VPS39: variants seen among roughly 807,000 people sequenced by gnomAD.
The protein encoded by VPS39 is vam6/Vps39-like protein.
Under a neutral mutation model 121.0 loss-of-function variants are expected in VPS39, and 70 were observed. The ratio of observed to expected loss-of-function variants is 0.58; its 90% CI spans 0.48 to 0.71. The LOEUF (loss-of-function observed/expected upper bound fraction) is 0.71. VPS39 is among the 30% of genes least tolerant of loss of function. VPS39 has a pLI of 0.00. For synonymous variants in VPS39, 378 were observed against 398.1 expected (o/e 0.95, Z 0.60); for missense variants, 818 against 1,051.5 (o/e 0.78, Z 3.07).
chr15:42,164,580 C>A, intron 18 of VPS39, 94 bp from the exon 19 acceptor site: 1 of 1,523,690 alleles, frequency 6.6e-7, no homozygotes, highest in South Asian at 1.3e-5. Flanking sequence ...TCAAGGATGT[C>A]ACCACATGAC....
At chr15:42,198,687 T>C (rs1281715433) in intron 2 of VPS39, among the ~76,000 whole-genome samples, 1 of 152,156 alleles carries the variant, frequency 6.6e-6, no homozygotes, top group Non-Finnish European at 1.5e-5. Flanking sequence ...AACAATGTAC[T>C]GCTCCAGGGC....
chr15:42,165,106 A>G lies in VPS39; in HGVS notation c.1787T>C (p.Ile596Thr), dbSNP rs753171246. The G allele has an allele frequency of 6.2e-7, 1 of 1,614,148 alleles. No homozygotes were observed. The highest frequency in any genetic ancestry group is 1.1e-5 in the South Asian group (1 of 91,076). Reference protein sequence around the residue: ...KGLAIPYLEHIIHVWEETGSR... With the variant: ...KGLAIPYLEHTIHVWEETGSR... ...GCCTGTCTCCTCCCAAACATGGATG[A>G]TGTGTTCCTGAGGCAAGATGTAGGT... The change falls in exon 18 of 25, where the codon ATC becomes ACC. Residue 596 changes from isoleucine (I) to threonine (T), a missense_variant. By Grantham distance (89) the Ile-to-Thr change is moderately conservative. Transcript: ENST00000318006.
rs1325243094 is a variant in VPS39 at position 42,159,892 on chromosome 15, T to C, written c.*862A>G. The C allele has an allele frequency of 2.0e-5, 3 of 152,276 alleles. No homozygotes were observed. The East Asian group carries it at 5.8e-4, about 29-fold the overall frequency. 9.4% of individuals were successfully genotyped at this position (152,276 alleles called of 1,614,324 possible). A position where few individuals can be genotyped will look rare whatever the true frequency, so the allele number is the denominator to read the frequency against. On this transcript the variant is annotated 3_prime_UTR_variant, in exon 25 of 25. Transcript: ENST00000318006. ...AGGCACCTCTGTGGGAACATGTATC[T>C]AGGGATCACGCATACCCCAGACAGG...
intron 8 of VPS39, among the ~76,000 whole-genome samples, chr15:42,182,882 A>G (rs980867332): frequency 6.6e-6 from 1 of 152,208 alleles, no homozygotes; most frequent in Non-Finnish European, 1.5e-5. Context: ...CTTGACTTTT[A>G]CATGCCTCTT....
In VPS39 at chr15:42,178,732, A is replaced by C. The variant is rs894756914; in HGVS notation, c.719-162T>G. On this transcript the variant is annotated intron_variant, in intron 8 of 24. Transcript: ENST00000318006. ...CACTGTGATTCAGAAAGAAAGAAAA[A>C]AAAAATTGGCCTGTAATCCCAGCAA... 4.5e-6 allele frequency: 5 copies of C among 1,105,950 alleles called. No homozygotes were observed. The African/African-American group carries it at 7.9e-5, about 17-fold the overall frequency. The allele number at this position is 1,105,950 out of a possible 1,614,324, so 68.5% of individuals were successfully genotyped here. A position where few individuals can be genotyped will look rare whatever the true frequency, so the allele number is the denominator to read the frequency against.
rs770531464 is a variant in VPS39, at chr15:42,178,251, C to T, written c.927G>A (p.Gln309=). The part of the protein sequence containing the change: ...PMATQIQQLL[Q]DKQFELALQL... ...GCAGAGCCAATTCAAACTGCTTGTC[C>T]TGGAGAAGTTGTTGGATTTGGGTTG... The change falls in exon 10 of 25, where the codon CAG becomes CAA. Residue 309 remains glutamine (Q), a synonymous_variant. Transcript: ENST00000318006. The T allele has an allele frequency of 4.3e-6, 7 of 1,614,140 alleles. No homozygotes were observed. The highest frequency in any genetic ancestry group is 1.1e-5 in the South Asian group (1 of 91,082).
In VPS39 at chr15:42,208,274, G is replaced by T; in HGVS notation, c.-121C>A. Reference sequence around the variant, plus strand: ...CCGGCCAGGAACCCCCCGGCTACAGGCCCTTCAACAACACAGCCATCGTCA... The same window carrying T: ...CCGGCCAGGAACCCCCCGGCTACAGTCCCTTCAACAACACAGCCATCGTCA... On this transcript the variant is annotated 5_prime_UTR_variant, in exon 1 of 25. Coordinates refer to ENST00000318006, the MANE Select transcript of VPS39 (RefSeq NM_015289.5). The T allele has an allele frequency of 7.6e-7, 1 of 1,314,956 alleles. No homozygotes were observed. The allele number at this position is 1,314,956 out of a possible 1,614,324, so 81.5% of individuals were successfully genotyped here. A position where few individuals can be genotyped will look rare whatever the true frequency, so the allele number is the denominator to read the frequency against.
At position 42,163,643 on chromosome 15, in the gene VPS39, A is replaced by G; in HGVS notation, c.2112T>C (p.Asp704=). ...ALFIYVHILK[D]TRMAEEYCHK... Reference sequence around the variant, plus strand: ...AAACTTACTCCTCAGCCATCCTTGTATCCTTCAAGATGTGGACATAAATGA... The same window carrying G: ...AAACTTACTCCTCAGCCATCCTTGTGTCCTTCAAGATGTGGACATAAATGA... Residue 704 remains aspartate, a synonymous_variant, in exon 20 of 25, where the codon GAT becomes GAC. Coordinates refer to ENST00000318006, the MANE Select transcript of VPS39 (RefSeq NM_015289.5). 2 of 1,613,946 alleles carry G rather than the reference A, an allele frequency of 1.2e-6. No individual in the cohort carries two copies. The highest frequency in any genetic ancestry group is 1.7e-6 in the Non-Finnish European group (2 of 1,179,916).
intron 1 of VPS39, among the ~76,000 whole-genome samples, chr15:42,206,898 CTCT>C (rs2050185466): frequency 6.6e-6 from 1 of 152,168 alleles, no homozygotes; most frequent in Non-Finnish European, 1.5e-5. Flanking sequence ...TTTTCTCCTC[CTCT>C]ATTTAAATGT....
intron 10 of VPS39, among the ~76,000 whole-genome samples, chr15:42,177,880 T>TGGTCTCGAACTCCTGACCTCA (rs1433753113): frequency 6.6e-6 from 1 of 152,198 alleles, no homozygotes; most frequent in African/African-American, 2.4e-5. Flanking sequence ...TTGGCCAAGC[T>TGGTCTCGAACTCCTGACCTCA]GGTCTCGAAC....
intron 4 of VPS39, among the ~76,000 whole-genome samples, chr15:42,190,422 G>T (rs1378789836): frequency 6.6e-6 from 1 of 152,190 alleles, no homozygotes; most frequent in Admixed American, 6.5e-5. Flanking sequence ...ACAGCGCAAA[G>T]TGTGAGATCA....
chr15:42,175,736 C>T (rs534667431), intron 10 of VPS39, among the ~76,000 whole-genome samples: 53 of 152,104 alleles, frequency 3.5e-4, no homozygotes, highest in Admixed American at 1.8e-3. Flanking sequence ...TGCCAGCTTC[C>T]TTATCTAGCT....
At chr15:42,193,869 T>C (rs1256460560) in intron 2 of VPS39, among the ~76,000 whole-genome samples, 1 of 138,008 alleles carries the variant, frequency 7.2e-6, no homozygotes, top group Non-Finnish European at 1.6e-5. Flanking sequence ...AAAAAAAAAA[T>C]GCCAAATATC....
In VPS39 at chr15:42,161,784, A is replaced by C; in HGVS notation, c.2461-11T>G. 6.2e-7 allele frequency: 1 copy of C among 1,613,558 alleles called. No individual in the cohort carries two copies. The highest frequency in any genetic ancestry group is 8.5e-7 in the Non-Finnish European group (1 of 1,179,580). ...CCGCTCTTCCTGGACCTGGAAGAACAGGGGGATTGAGGAAGAAGTTCTACA... is the reference window on the plus strand; with the variant it reads ...CCGCTCTTCCTGGACCTGGAAGAACCGGGGGATTGAGGAAGAAGTTCTACA... On this transcript the variant is annotated splice_polypyrimidine_tract_variant and intron_variant, in intron 23 of 24. Transcript: ENST00000318006.
chr15:42,187,939 G>C, intron 5 of VPS39, 83 bp from the exon 6 acceptor site: 1 of 1,334,402 alleles, frequency 7.5e-7, no homozygotes, highest in East Asian at 2.3e-5. Context: ...TGTCTACCTT[G>C]AAATTGCTAC....
chr15:42,161,430 A>T (rs2049123757), intron 24 of VPS39: 1 of 575,846 alleles, frequency 1.7e-6, no homozygotes, highest in Middle Eastern at 4.7e-4. Context: ...TTCTAGCTTC[A>T]AGAGGGGAAG....
chr15:42,201,585 T>C (rs1404710944), intron 1 of VPS39, among the ~76,000 whole-genome samples: 1 of 152,214 alleles, frequency 6.6e-6, no homozygotes, highest in African/African-American at 2.4e-5. Flanking sequence ...CCCCGGAGCA[T>C]CTGATTTAGT....
chr15:42,183,101 T>G (rs945767698), intron 8 of VPS39, among the ~76,000 whole-genome samples: 38 of 147,806 alleles, frequency 2.6e-4, no homozygotes, highest in African/African-American at 8.9e-4. Context: ...CATGATGTGT[T>G]TTTTGTTTTT....
At chr15:42,166,131 A>G in intron 16 of VPS39, 28 bp downstream of exon 16, 1 of 1,607,330 alleles carries the variant, frequency 6.2e-7, no homozygotes, top group Non-Finnish European at 8.5e-7. Context: ...TGTTTACCAG[A>G]TAAATCCAAG....
Sources: allele counts gnomAD v4.1 joint callset (sites outside exome capture counted in the v4.1 genomes callset), GRCh38; gene constraint gnomAD v4.1.1; transcripts MANE v1.5; gene names NCBI Gene and HGNC (gene_info 2026-07-23, HGNC 2026-07-21).